CAPZB: variants seen among roughly 807,000 people sequenced by gnomAD.
The protein encoded by CAPZB is capping actin protein of muscle Z-line subunit beta.
In CAPZB, 2 loss-of-function variants were observed where a neutral mutation model predicts 38.1. That is an observed-to-expected ratio of 0.05 (90% confidence interval 0.02 to 0.17). The LOEUF is 0.17. Among genes scored for constraint, CAPZB ranks in the 10% least tolerant of loss-of-function variants. The pLI is 1.00. For missense variants in CAPZB, 161 were observed against 334.2 expected (o/e 0.48, Z 4.04); for synonymous variants, 107 against 127.4 (o/e 0.84, Z 1.08).
At chr1:19,366,154 A>C (rs1327097785) in intron 4 of CAPZB, among the ~76,000 whole-genome samples, 2 of 151,298 alleles carry the variant, frequency 1.3e-5, no homozygotes, top group South Asian at 4.2e-4. Flanking sequence ...TGGGACAAAT[A>C]AGTGGTCTTA....
chr1:19,463,792 A>G (rs2094560041), intron 1 of CAPZB, among the ~76,000 whole-genome samples: 1 of 152,206 alleles, frequency 6.6e-6, no homozygotes, highest in Non-Finnish European at 1.5e-5. Flanking sequence ...CTTTCAAAGC[A>G]CACAGGGTGG....
At chr1:19,439,798 A>G (rs748477372) in intron 1 of CAPZB, among the ~76,000 whole-genome samples, 10 of 152,214 alleles carry the variant, frequency 6.6e-5, no homozygotes, top group Non-Finnish European at 1.3e-4. Context: ...ATGCCACTGG[A>G]TCACTGGGTG....
rs142752211 is a variant in CAPZB, at chr1:19,467,882, A to C, written c.3+17554T>G. On this transcript the variant is annotated intron_variant, in intron 1 of 8. Transcript: ENST00000264202. ...TCAGATGCTGGGAACTAGAGCTTGA[A>C]AACACTGCAGGGCCGCAGAGCTCTC... Among the ~76,000 whole-genome samples, 686 of 152,318 alleles carry C rather than the reference A, an allele frequency of 4.5e-3. 4 individuals carry two copies. Among genetic ancestry groups the C allele is most frequent in the Middle Eastern group, 6.8e-3 (2 of 294 alleles).
intron 2 of CAPZB, among the ~76,000 whole-genome samples, chr1:19,392,919 G>C (rs1180884745): frequency 2.0e-5 from 3 of 152,336 alleles, no homozygotes; most frequent in Admixed American, 2.0e-4. Flanking sequence ...TCCTCGCCTA[G>C]GGAGATGGCC....
rs191786015 is a variant in CAPZB, at chr1:19,345,022, G to C, written c.654+165C>G. On this transcript the variant is annotated intron_variant, in intron 7 of 8. Coordinates refer to ENST00000264202, the MANE Select transcript of CAPZB (RefSeq NM_004930.5). ...CTGGAGCCTGCTGGCATCCAAATCAGAGGCTCCAAAAATATGAGGCCAGGG... is the reference window on the plus strand; with the variant it reads ...CTGGAGCCTGCTGGCATCCAAATCACAGGCTCCAAAAATATGAGGCCAGGG... Among the ~76,000 whole-genome samples the C allele has an allele frequency of 5.7e-3, 871 of 152,338 alleles. 6 individuals are homozygous for C. The highest frequency in any genetic ancestry group is 0.019 in the African/African-American group (792 of 41,574).
chr1:19,462,631 TAACCAC>T (rs1286783886), intron 1 of CAPZB, among the ~76,000 whole-genome samples: 1 of 152,162 alleles, frequency 6.6e-6, no homozygotes, highest in Non-Finnish European at 1.5e-5. Flanking sequence ...GAATAAATAA[TAACCAC>T]ATATGAAACA....
At chr1:19,467,986 C>T (rs2094574169) in intron 1 of CAPZB, among the ~76,000 whole-genome samples, 1 of 152,184 alleles carries the variant, frequency 6.6e-6, no homozygotes, top group Non-Finnish European at 1.5e-5. Context: ...GCCTGTAATC[C>T]CAACACTTTG....
rs11590900 is a variant in CAPZB, at chr1:19,470,857, C to T, written c.3+14579G>A. 2.3e-3 allele frequency among the ~76,000 whole-genome samples: 356 copies of T among 152,332 alleles called. 1 individual carries two copies. Among genetic ancestry groups the T allele is most frequent in the African/African-American group, 8.2e-3 (343 of 41,576 alleles). Reference sequence around the variant, plus strand: ...GAAGGATTCTGGGAAGGAAACGGAACGGTGCATGCAGAGGACCAGGTGAAG... The same window carrying T: ...GAAGGATTCTGGGAAGGAAACGGAATGGTGCATGCAGAGGACCAGGTGAAG... On this transcript the variant is annotated intron_variant, in intron 1 of 8. Transcript: ENST00000264202.
chr1:19,340,786 T>C lies in CAPZB; in HGVS notation c.732-1169A>G, dbSNP rs185935930. Among the ~76,000 whole-genome samples, 60 of 152,332 alleles carry C rather than the reference T, an allele frequency of 3.9e-4. No individual in the cohort carries two copies. The South Asian group carries it at 7.9e-3, about 20-fold the overall frequency. The stretch of plus-strand genomic sequence containing the variant: ...CCCCCCTAGCAATTCTTTAATCATT[T>C]TGTCAAATTTACCCAACATATTGGT... On this transcript the variant is annotated intron_variant, in intron 8 of 8. Transcript: ENST00000264202.
intron 1 of CAPZB, among the ~76,000 whole-genome samples, chr1:19,431,093 C>T (rs577929141): frequency 7.2e-5 from 11 of 152,274 alleles, no homozygotes; most frequent in African/African-American, 2.6e-4. Flanking sequence ...TGACCCATAA[C>T]AAATGAGACA....
At chr1:19,484,236 T>C (rs1195125625) in intron 1 of CAPZB, 3 of 1,612,392 alleles carry the variant, frequency 1.9e-6, no homozygotes, top group Non-Finnish European at 2.5e-6. Flanking sequence ...CCTTGCAAGC[T>C]GACAGTTCAG....
intron 4 of CAPZB, among the ~76,000 whole-genome samples, chr1:19,358,486 G>A (rs78913059): frequency 0.022 from 3,355 of 152,194 alleles, 62 homozygotes; most frequent in South Asian, 0.059. Flanking sequence ...TTCTAATTAC[G>A]ATCAAATGGA....
intron 1 of CAPZB, among the ~76,000 whole-genome samples, chr1:19,448,558 A>T (rs2094503857): frequency 6.6e-6 from 1 of 152,186 alleles, no homozygotes; most frequent in Non-Finnish European, 1.5e-5. Context: ...GTGTTTCATC[A>T]TTACCTACCC....
chr1:19,362,450 T>TGGACTCTAACTCCTGGCCTC (rs1398038276), intron 4 of CAPZB, among the ~76,000 whole-genome samples: 36 of 152,168 alleles, frequency 2.4e-4, no homozygotes, highest in African/African-American at 8.4e-4. Context: ...TTGCCCAGGC[T>TGGACTCTAACTCCTGGCCTC]GGTCTCTAAC....
intron 8 of CAPZB, among the ~76,000 whole-genome samples, chr1:19,340,621 CAGG>C (rs2100215905): frequency 6.6e-6 from 1 of 152,224 alleles, no homozygotes; most frequent in African/African-American, 2.4e-5. Flanking sequence ...CATTTAAGGC[CAGG>C]AGTTCAAGAC....
intron 1 of CAPZB, among the ~76,000 whole-genome samples, chr1:19,455,631 C>T (rs895350099): frequency 5.3e-5 from 8 of 152,176 alleles, no homozygotes; most frequent in African/African-American, 1.9e-4. Context: ...TCTTATCTAC[C>T]AGCCACTGTG....
intron 1 of CAPZB, among the ~76,000 whole-genome samples, chr1:19,469,739 AATACACAC>A: frequency 1.3e-5 from 1 of 74,164 alleles, no homozygotes; most frequent in East Asian, 4.4e-4. Flanking sequence ...GGAGGAAAAG[AATACACAC>A]ACACACACAC....
chr1:19,391,821 G>A (rs1390100371), intron 2 of CAPZB, among the ~76,000 whole-genome samples: 1 of 152,218 alleles, frequency 6.6e-6, no homozygotes, highest in African/African-American at 2.4e-5. Context: ...CAAGGGCTCA[G>A]CACGGGAAGA....
chr1:19,416,155 G>A (rs1275614360), intron 2 of CAPZB, among the ~76,000 whole-genome samples: 1 of 152,204 alleles, frequency 6.6e-6, no homozygotes, highest in South Asian at 2.1e-4. Context: ...TTTGCCCCGT[G>A]TCTAGTTCTT....
Sources: gnomAD v4.1 joint callset for allele counts (sites outside exome capture counted in the v4.1 genomes callset) on GRCh38, gnomAD v4.1.1 for gene constraint, MANE v1.5 for transcripts, NCBI Gene and HGNC (gene_info 2026-07-23, HGNC 2026-07-21) for gene names.